CDH4: variants seen among roughly 807,000 people sequenced by gnomAD.
CDH4 encodes the protein cadherin-4.
Under a neutral mutation model 86.0 loss-of-function variants are expected in CDH4, and 33 were observed. The observed-to-expected ratio is 0.38, with a 90% CI of 0.29 to 0.51. The LOEUF is 0.51. CDH4 is among the 20% of genes least tolerant of loss of function. The probability of loss-of-function intolerance (pLI) is 0.86; values close to 1 mark genes in which losing one functional copy is unlikely to be tolerated. For synonymous variants in CDH4, 555 were observed against 549.4 expected, an observed-to-expected ratio of 1.01 and a Z score of -0.14; for missense variants, 1,114 against 1,307.4, an observed-to-expected ratio of 0.85 and a Z score of 2.28.
At chr20:61,258,351 A>G (rs939546356) in intron 2 of CDH4, among the ~76,000 whole-genome samples, 163 of 149,446 alleles carry the variant, frequency 1.1e-3, no homozygotes, top group Non-Finnish European at 1.9e-3. Context: ...AAAAAGAAAA[A>G]AAAAAAAGAA....
rs142322715 is a variant in CDH4, at chr20:61,340,334, T to C, written c.169+85397T>C. Among the ~76,000 whole-genome samples, 289 of 152,332 alleles carry C rather than the reference T, an allele frequency of 1.9e-3. 2 individuals carry two copies. The highest frequency in any genetic ancestry group is 6.8e-3 in the Middle Eastern group (2 of 294). On this transcript the variant is annotated intron_variant, in intron 2 of 15. Transcript: ENST00000614565. The stretch of plus-strand genomic sequence containing the variant: ...ATGAGTTGCCAACAGCCAGAGCCTC[T>C]GACAGGGAGCCAGCTGCCAGCCTGC...
At chr20:61,730,306 C>T (rs946820758) in intron 2 of CDH4, among the ~76,000 whole-genome samples, 1 of 152,090 alleles carries the variant, frequency 6.6e-6, no homozygotes, top group East Asian at 1.9e-4. Flanking sequence ...GCCTGAAAGT[C>T]CCCCATGCCC....
rs202190196 is a variant in CDH4 at position 61,924,399 on chromosome 20, C to T, written c.1694C>T (p.Thr565Met). The part of the protein sequence containing the change: ...HINATNGQIT[T>M]AAVLDRESLY... ...AATGCCACCAACGGCCAGATCACCA[C>T]GGCGGCAGTGCTGGACCGTGAGTCC... The change falls in exon 11 of 16, where the codon ACG becomes ATG. Residue 565 changes from threonine (T) to methionine (M), a missense_variant. By Grantham distance (81) the Thr-to-Met change is moderately conservative. Transcript: ENST00000614565. The T allele has an allele frequency of 2.0e-4, 317 of 1,613,804 alleles. No individual in the cohort carries two copies. The highest frequency in any genetic ancestry group is 2.6e-4 in the Non-Finnish European group (302 of 1,179,978).
chr20:61,686,455 G>T (rs527461853), intron 2 of CDH4, among the ~76,000 whole-genome samples: 1 of 151,150 alleles, frequency 6.6e-6, no homozygotes, highest in South Asian at 2.1e-4. Context: ...GTGCATTCGT[G>T]TGTGTGCATT....
At chr20:61,410,374 C>A (rs1844452128) in intron 2 of CDH4, among the ~76,000 whole-genome samples, 1 of 152,068 alleles carries the variant, frequency 6.6e-6, no homozygotes, top group South Asian at 2.1e-4. Flanking sequence ...GCCAATCTAT[C>A]CATCCATTCA....
At position 61,928,393 on chromosome 20, in the gene CDH4, C is replaced by G. The variant is rs777193983; in HGVS notation, c.1975C>G (p.Arg659Gly). 1 of 1,611,846 alleles carries G rather than the reference C, an allele frequency of 6.2e-7. No homozygotes were observed. The highest frequency in any genetic ancestry group is 8.5e-7 in the Non-Finnish European group (1 of 1,179,994). Residue 659 changes from arginine (R) to glycine (G), a missense_variant, in exon 12 of 16, where the codon CGG becomes GGG. By Grantham distance (125) the Arg-to-Gly change is moderately radical. Coordinates refer to ENST00000614565, the MANE Select transcript of CDH4 (RefSeq NM_001794.5). ...FELPFVPAAVRKNWTITRLNG... is the reference protein window; with the variant it reads ...FELPFVPAAVGKNWTITRLNG... ...GCTGCCCTTTGTCCCGGCGGCCGTGCGGAAGAACTGGACCATCACCCGCCT... is the reference window on the plus strand; with the variant it reads ...GCTGCCCTTTGTCCCGGCGGCCGTGGGGAAGAACTGGACCATCACCCGCCT...
intron 2 of CDH4, among the ~76,000 whole-genome samples, chr20:61,341,030 A>G (rs1490151244): frequency 6.6e-6 from 1 of 152,246 alleles, no homozygotes; most frequent in East Asian, 1.9e-4. Flanking sequence ...GCCGTCCGCT[A>G]CACGAGGCCG....
rs1244669816 is a variant in CDH4 at position 61,663,241 on chromosome 20, G to A, written c.170-80322G>A. ...CTGTGACAAAGCCCCTGTCCCAGAG[G>A]AGCTTTCATCGAGGGCTTGGCGCCC... On this transcript the variant is annotated intron_variant, in intron 2 of 15. Transcript: ENST00000614565. This position sits in a 1 kb window ranked among gnomAD's most constrained non-coding sequence, Gnocchi z 5.0. Among the ~76,000 whole-genome samples, 33 of 152,248 alleles carry A rather than the reference G, an allele frequency of 2.2e-4. No individual in the cohort carries two copies. The highest frequency in any genetic ancestry group is 2.1e-3 in the Admixed American group (32 of 15,286).
At chr20:61,293,156 CT>C (rs150707581) in intron 2 of CDH4, among the ~76,000 whole-genome samples, 2,481 of 152,262 alleles carry the variant, frequency 0.016, 68 homozygotes, top group African/African-American at 0.056. Flanking sequence ...GACAGGGAGA[CT>C]TTTGCTCCTT....
chr20:61,320,611 T>C (rs556300680), intron 2 of CDH4, among the ~76,000 whole-genome samples: 4 of 152,038 alleles, frequency 2.6e-5, no homozygotes, highest in Middle Eastern at 3.4e-3. Context: ...GGGGTGCTAT[T>C]TGCATCTGGG....
chr20:61,916,827 T>G (rs1031367273), intron 9 of CDH4, among the ~76,000 whole-genome samples: 12 of 152,220 alleles, frequency 7.9e-5, no homozygotes, highest in African/African-American at 2.9e-4. Context: ...AATGCAGCAG[T>G]GTGCTCTTTC....
At chr20:61,378,470 T>C (rs2084883743) in intron 2 of CDH4, among the ~76,000 whole-genome samples, 1 of 152,142 alleles carries the variant, frequency 6.6e-6, no homozygotes, top group Non-Finnish European at 1.5e-5. Flanking sequence ...TTTCTCCAGC[T>C]CCTGCTGGCT....
intron 2 of CDH4, among the ~76,000 whole-genome samples, chr20:61,656,602 A>C (rs529107838): frequency 3.0e-4 from 45 of 152,136 alleles, no homozygotes; most frequent in African/African-American, 1.0e-3. Context: ...TTCTCTAGCT[A>C]TGGTCATAGG....
chr20:61,300,660 A>G (rs1600847519), intron 2 of CDH4, among the ~76,000 whole-genome samples: 1 of 151,992 alleles, frequency 6.6e-6, no homozygotes, highest in East Asian at 1.9e-4. Flanking sequence ...TGTTCTGCCC[A>G]CACAGGACCC....
At chr20:61,797,303 TGGGGAAGGCTCA>T (rs1280777880) in intron 4 of CDH4, among the ~76,000 whole-genome samples, 1 of 151,798 alleles carries the variant, frequency 6.6e-6, no homozygotes, top group East Asian at 1.9e-4. Flanking sequence ...TTCCCCAGGG[TGGGGAAGGCTCA>T]CGCCATCCAC....
At chr20:61,586,663 G>A (rs142520762) in intron 2 of CDH4, among the ~76,000 whole-genome samples, 28 of 152,268 alleles carry the variant, frequency 1.8e-4, no homozygotes, top group East Asian at 1.2e-3. Context: ...GTTGATCAGC[G>A]TGACTTTACC....
intron 2 of CDH4, among the ~76,000 whole-genome samples, chr20:61,406,755 C>T (rs2085086126): frequency 1.4e-5 from 2 of 147,798 alleles, no homozygotes; most frequent in African/African-American, 5.1e-5. Flanking sequence ...ACCATCTGCT[C>T]TGCCTGGACC....
At chr20:61,523,665 G>T (rs1439552280) in intron 2 of CDH4, among the ~76,000 whole-genome samples, 1 of 152,218 alleles carries the variant, frequency 6.6e-6, no homozygotes, top group Non-Finnish European at 1.5e-5. Flanking sequence ...GGGACGGATG[G>T]CCACAGTGGG....
At chr20:61,426,555 A>G (rs917393124) in intron 2 of CDH4, among the ~76,000 whole-genome samples, 1 of 152,190 alleles carries the variant, frequency 6.6e-6, no homozygotes, top group African/African-American at 2.4e-5. Flanking sequence ...CTTCCCCGTC[A>G]CCTGCCTTTC....
Sources: gnomAD v4.1 joint callset for allele counts (sites outside exome capture counted in the v4.1 genomes callset) on GRCh38, gnomAD v4.1.1 for gene constraint, Gnocchi (gnomAD v3.1) non-coding constraint, MANE v1.5 for transcripts, NCBI Gene and HGNC (gene_info 2026-07-23, HGNC 2026-07-21) for gene names.